The following ANXA2 variants were observed in gnomAD, a reference collection of about 807,000 sequenced individuals.
ANXA2 encodes the protein annexin II.
Under a neutral mutation model 47.3 loss-of-function variants are expected in ANXA2, and 28 were observed. The observed-to-expected ratio is 0.59, with a 90% CI of 0.44 to 0.81. ANXA2 has a LOEUF of 0.81. ANXA2 is among the 40% of genes least tolerant of loss of function. The pLI is 0.00. For missense variants in ANXA2, 384 were observed against 414.3 expected (o/e 0.93, Z 0.64); for synonymous variants, 172 against 155.5 (o/e 1.11, Z -0.79).
At chr15:60,374,298 C>T (rs1469657899) in intron 3 of ANXA2, among the ~76,000 whole-genome samples, 14 of 152,200 alleles carry the variant, frequency 9.2e-5, no homozygotes, top group Admixed American at 9.2e-4. Context: ...CAAAGTACAC[C>T]ACTGCTCAAG....
chr15:60,385,948 A>G (rs1037582591), intron 2 of ANXA2, 80 bp downstream of exon 2: 17 of 912,128 alleles, frequency 1.9e-5, no homozygotes, highest in Non-Finnish European at 2.4e-5. Context: ...CCTTAGATGT[A>G]CAAGGATAGA....
At chr15:60,397,325 T>A in intron 1 of ANXA2, 3 of 985,662 alleles carry the variant, frequency 3.0e-6, no homozygotes, top group Non-Finnish European at 3.6e-6. Flanking sequence ...GAAGTTGCTA[T>A]GCTACAAGAT....
intron 1 of ANXA2, chr15:60,393,627 A>G: frequency 2.0e-6 from 2 of 985,388 alleles, no homozygotes; most frequent in Non-Finnish European, 2.4e-6. Context: ...AGGAACCTCA[A>G]TCTTAATTAG....
chr15:60,397,865 C>T (rs541632571), intron 1 of ANXA2, 78 bp downstream of exon 1: 1 of 1,384,764 alleles, frequency 7.2e-7, no homozygotes. Context: ...CCCTGCCAGG[C>T]CGTACCCTTC....
chr15:60,383,315 G>A (rs967206880), intron 2 of ANXA2: 14 of 152,302 alleles, frequency 9.2e-5, no homozygotes, highest in African/African-American at 2.9e-4. Context: ...TTTTTGTAGA[G>A]ACAGGATTTC....
chr15:60,366,685 AG>A (rs2062613535), intron 3 of ANXA2, among the ~76,000 whole-genome samples: 5 of 130,782 alleles, frequency 3.8e-5, no homozygotes, highest in Non-Finnish European at 8.2e-5. Flanking sequence ...GGGGGGGGTC[AG>A]CCCCCCGCCC....
chr15:60,372,620 A>G (rs186585884), intron 3 of ANXA2, among the ~76,000 whole-genome samples: 1 of 151,932 alleles, frequency 6.6e-6, no homozygotes, highest in East Asian at 1.9e-4. Context: ...AGTAGAAAAG[A>G]TAACCCCAAA....
At chr15:60,396,796 C>T (rs1478195465) in intron 1 of ANXA2, among the ~76,000 whole-genome samples, 4 of 152,214 alleles carry the variant, frequency 2.6e-5, no homozygotes, top group Admixed American at 6.5e-5. Context: ...GGCCTTTGCA[C>T]ACCAACAACT....
chr15:60,397,412 C>T, intron 1 of ANXA2: 1 of 722,242 alleles, frequency 1.4e-6, no homozygotes, highest in Non-Finnish European at 1.7e-6. Flanking sequence ...CTCACACTCC[C>T]CCCTCTCGTC....
rs891652946 is a variant in ANXA2, at chr15:60,363,363, G to A, written c.243+1066C>T. Among the ~76,000 whole-genome samples, 10 of 152,186 alleles carry A rather than the reference G, an allele frequency of 6.6e-5. No homozygotes were observed. The South Asian group carries it at 1.9e-3, about 28-fold the overall frequency. ...CCAACCATTTAGAGTGCGGGGGATG[G>A]AAGTGTAGCAAGGCTTGACCTGCAA... On this transcript the variant is annotated intron_variant, in intron 4 of 12. Transcript: ENST00000451270.
intron 3 of ANXA2, among the ~76,000 whole-genome samples, chr15:60,368,317 A>T (rs374334110): frequency 6.8e-5 from 3 of 44,302 alleles, no homozygotes; most frequent in Admixed American, 1.5e-4. Flanking sequence ...ATAAAAAAAA[A>T]AAATAAAATA....
chr15:60,368,311 A>AAAAAAAAATAAAAT (rs1555401420), intron 3 of ANXA2, among the ~76,000 whole-genome samples: 1 of 70,584 alleles, frequency 1.4e-5, no homozygotes, highest in East Asian at 3.7e-4. Flanking sequence ...TGATCAATAA[A>AAAAAAAAATAAAAT]AAAAAAAAAT....
intron 3 of ANXA2, among the ~76,000 whole-genome samples, chr15:60,365,371 C>T (rs1355365870): frequency 6.6e-6 from 1 of 152,126 alleles, no homozygotes; most frequent in Non-Finnish European, 1.5e-5. Flanking sequence ...CTTAAGAAAG[C>T]ACAGTTTGTA....
chr15:60,351,990 C>T (rs867651275), intron 9 of ANXA2, among the ~76,000 whole-genome samples, 171 bp from the exon 10 acceptor site: 12 of 152,252 alleles, frequency 7.9e-5, no homozygotes, highest in Middle Eastern at 3.4e-3. Context: ...CCAAGTTTGT[C>T]GTGGAACAGC....
intron 5 of ANXA2, 81 bp from the exon 6 acceptor site, chr15:60,357,317 T>C (rs1055731842): frequency 7.1e-5 from 85 of 1,189,368 alleles, no homozygotes; most frequent in Non-Finnish European, 7.8e-5. Flanking sequence ...ATCAAGTAAA[T>C]TGCAAACATG....
intron 1 of ANXA2, chr15:60,391,404 G>C (rs1040374820): frequency 1.3e-5 from 2 of 152,338 alleles, no homozygotes; most frequent in African/African-American, 2.4e-5. Context: ...GGAAGGCCTG[G>C]GGAGAGGGGA....
intron 3 of ANXA2, among the ~76,000 whole-genome samples, chr15:60,366,876 G>A (rs1595681351): frequency 1.2e-5 from 1 of 86,122 alleles, no homozygotes; most frequent in Middle Eastern, 0.011. Flanking sequence ...CCGGCCGGCC[G>A]CCCCGTCCGG....
chr15:60,385,361 A>G lies in ANXA2; in HGVS notation c.48+667T>C, dbSNP rs45468394. Among the ~76,000 whole-genome samples the G allele has an allele frequency of 6.4e-3, 971 of 152,288 alleles. 3 individuals are homozygous for G. The highest frequency in any genetic ancestry group is 0.01 in the Non-Finnish European group (706 of 68,020). On this transcript the variant is annotated intron_variant, in intron 2 of 12. Coordinates refer to ENST00000451270, the MANE Select transcript of ANXA2 (RefSeq NM_004039.3). ...GGCAGGCAGATCACGAAGTCAAGAG[A>G]TCAAAACCATCCTGGCCAACATGGT... is the stretch of plus-strand genomic sequence containing the variant.
intron 4 of ANXA2, 63 bp downstream of exon 4, chr15:60,364,366 A>G: frequency 7.6e-7 from 1 of 1,315,260 alleles, no homozygotes; most frequent in Non-Finnish European, 1.1e-6. Context: ...GAAAAGAAAA[A>G]GCAATGTCTG....
Sources: gnomAD v4.1 joint callset for allele counts (sites outside exome capture counted in the v4.1 genomes callset) on GRCh38, gnomAD v4.1.1 for gene constraint, MANE v1.5 for transcripts, NCBI Gene and HGNC (gene_info 2026-07-23, HGNC 2026-07-21) for gene names.